Variants in EGF observed in about 807,000 individuals in gnomAD.
EGF encodes epidermal growth factor.
In EGF, 95 loss-of-function variants were observed where a neutral mutation model predicts 143.8. The ratio of observed to expected loss-of-function variants is 0.66; its 90% CI spans 0.56 to 0.78. The LOEUF is 0.78. Ranked by LOEUF, EGF falls within the 30% of genes least tolerant of loss-of-function variation. EGF has a pLI of 0.00. For missense variants in EGF, 1,320 were observed against 1,470.9 expected (o/e 0.90, Z 1.68); for synonymous variants, 510 against 510.5 (o/e 1.00, Z 0.01).
Position 109,948,055 on chromosome 4 carries a change from G to C in EGF, c.940+2780G>C, listed in dbSNP as rs562021199. On this transcript the variant is annotated intron_variant, in intron 5 of 23. Coordinates refer to ENST00000265171, the MANE Select transcript of EGF (RefSeq NM_001963.6). ...CCTCACTACTCAGCTTCTGTGACAG[G>C]AAGTTCAAATAGGATAACTGAAAGC... Among the ~76,000 whole-genome samples the C allele has an allele frequency of 3.3e-5, 5 of 152,328 alleles. No individual in the cohort carries two copies. The East Asian group carries it at 9.6e-4, about 29-fold the overall frequency.
chr4:109,956,511 G>T lies in EGF; in HGVS notation c.941-2801G>T, dbSNP rs547755557. ...TAAACACAATACTGCTTTTTAAAAA[G>T]AAATTTAAAGTGGATGAATTTTGTC... On this transcript the variant is annotated intron_variant, in intron 5 of 23. Coordinates refer to ENST00000265171, the MANE Select transcript of EGF (RefSeq NM_001963.6). Among the ~76,000 whole-genome samples, 3 of 152,188 alleles carry T rather than the reference G, an allele frequency of 2.0e-5. No individual in the cohort carries two copies. In the East Asian group the frequency reaches 5.8e-4, roughly 29 times the overall value.
In EGF at chr4:109,943,694, A is replaced by G. The variant is rs1742325346; in HGVS notation, c.510-148A>G. ...TAACTTGAAATCACTTGTAATGTCT[A>G]CAATAGGGCAGTGTTTACTTGTTGA... is the stretch of plus-strand genomic sequence containing the variant. On this transcript the variant is annotated intron_variant, in intron 3 of 23. Coordinates refer to ENST00000265171, the MANE Select transcript of EGF (RefSeq NM_001963.6). 5.1e-6 allele frequency: 4 copies of G among 780,450 alleles called. No individual in the cohort carries two copies. In the African/African-American group the frequency reaches 5.2e-5, roughly 10 times the overall value. 48.3% of individuals were successfully genotyped at this position (780,450 alleles called of 1,614,324 possible). A position where few individuals can be genotyped will look rare whatever the true frequency, so the allele number is the denominator to read the frequency against.
chr4:109,993,096 TA>T (rs1751260795), intron 18 of EGF, 150 bp from the exon 19 acceptor site: 1 of 690,614 alleles, frequency 1.4e-6, no homozygotes, highest in Non-Finnish European at 1.9e-6. Context: ...TTAAGTATAA[TA>T]AAAAATATAT....
chr4:109,990,305 T>A (rs541441911), intron 18 of EGF, among the ~76,000 whole-genome samples: 1 of 152,182 alleles, frequency 6.6e-6, no homozygotes, highest in Admixed American at 6.5e-5. Flanking sequence ...TGATCAGTGA[T>A]GAAGAAGAGT....
intron 1 of EGF, among the ~76,000 whole-genome samples, chr4:109,915,801 G>A (rs1001420520): frequency 5.3e-5 from 8 of 152,226 alleles, no homozygotes; most frequent in Non-Finnish European, 1.2e-4. Context: ...TGGTCTAACA[G>A]TATTCAGGTA....
intron 7 of EGF, 52 bp from the exon 8 acceptor site, chr4:109,961,811 T>G: frequency 6.2e-7 from 1 of 1,608,900 alleles, no homozygotes; most frequent in East Asian, 2.2e-5. Context: ...TTGCAATAAA[T>G]TTTTGCAAAC....
Position 109,967,890 on chromosome 4 carries a change from A to G in EGF, c.1576-1081A>G, listed in dbSNP as rs544678876. Among the ~76,000 whole-genome samples, 7 of 152,292 alleles carry G rather than the reference A, an allele frequency of 4.6e-5. No individual in the cohort carries two copies. The South Asian group carries it at 1.4e-3, about 32-fold the overall frequency. Reference sequence around the variant, plus strand: ...TATCTAAACATAGAAAAGGTACAGTAAAAAATATGGCATAAGAGATATTTT... The same window carrying G: ...TATCTAAACATAGAAAAGGTACAGTGAAAAATATGGCATAAGAGATATTTT... On this transcript the variant is annotated intron_variant, in intron 10 of 23. Transcript: ENST00000265171.
chr4:109,913,546 A>G lies in EGF; in HGVS notation c.127+84A>G. 8 of 1,565,548 alleles carry G rather than the reference A, an allele frequency of 5.1e-6. No individual in the cohort carries two copies. In the South Asian group the frequency reaches 9.3e-5, roughly 18 times the overall value. On this transcript the variant is annotated intron_variant, in intron 1 of 23. Coordinates refer to ENST00000265171, the MANE Select transcript of EGF (RefSeq NM_001963.6). ...TTGGTTCAATCTGGTATACTTGGGCATTTAACAAAGTTTGTCTTTGGGTAT... is the reference window on the plus strand; with the variant it reads ...TTGGTTCAATCTGGTATACTTGGGCGTTTAACAAAGTTTGTCTTTGGGTAT...
chr4:110,001,044 A>G (rs1752508411), intron 21 of EGF, among the ~76,000 whole-genome samples: 1 of 152,236 alleles, frequency 6.6e-6, no homozygotes, highest in South Asian at 2.1e-4. Flanking sequence ...TACTTATCAG[A>G]GATCCTGCTA....
At chr4:109,929,394 C>T (rs1413438732) in intron 1 of EGF, among the ~76,000 whole-genome samples, 2 of 152,032 alleles carry the variant, frequency 1.3e-5, no homozygotes, top group Non-Finnish European at 2.9e-5. Context: ...CAATATGCTC[C>T]CCCAGAGATA....
intron 1 of EGF, among the ~76,000 whole-genome samples, chr4:109,919,291 C>CTCTG (rs1737284418): frequency 4.8e-5 from 1 of 20,944 alleles, no homozygotes; most frequent in Admixed American, 4.4e-4. Context: ...TTCTCTGTCT[C>CTCTG]TCTCTCTCTC....
intron 1 of EGF, among the ~76,000 whole-genome samples, chr4:109,925,259 T>C (rs536552186): frequency 1.3e-5 from 2 of 152,220 alleles, no homozygotes; most frequent in Non-Finnish European, 2.9e-5. Flanking sequence ...AAACAAATAC[T>C]GCTGAAAACT....
At chr4:110,008,038 C>A in intron 22 of EGF, 114 bp from the exon 23 acceptor site, 1 of 993,222 alleles carries the variant, frequency 1.0e-6, no homozygotes, top group Non-Finnish European at 1.6e-6. Flanking sequence ...TTTCTTCTGA[C>A]TTTCACTTTC....
At chr4:109,965,849 C>T (rs759833263) in intron 10 of EGF, among the ~76,000 whole-genome samples, 30 of 152,110 alleles carry the variant, frequency 2.0e-4, no homozygotes, top group South Asian at 4.2e-4. Flanking sequence ...GAGTGAAGTA[C>T]CCCTATTTGT....
At chr4:109,914,920 G>T (rs922804384) in intron 1 of EGF, among the ~76,000 whole-genome samples, 26 of 152,178 alleles carry the variant, frequency 1.7e-4, no homozygotes, top group African/African-American at 6.0e-4. Context: ...CATGGGATGT[G>T]AGGGGTGATG....
At chr4:109,997,563 G>A (rs961811405) in intron 20 of EGF, among the ~76,000 whole-genome samples, 5 of 151,638 alleles carry the variant, frequency 3.3e-5, no homozygotes, top group South Asian at 2.1e-4. Flanking sequence ...CCGGATTCAC[G>A]CCATTCTCCT....
At chr4:109,973,893 A>G (rs1412978461) in intron 11 of EGF, among the ~76,000 whole-genome samples, 1 of 152,246 alleles carries the variant, frequency 6.6e-6, no homozygotes, top group African/African-American at 2.4e-5. Context: ...TAATGTAAAG[A>G]TTAGCAAGTA....
At chr4:109,961,236 G>T (rs1023489117) in intron 7 of EGF, among the ~76,000 whole-genome samples, 1 of 152,034 alleles carries the variant, frequency 6.6e-6, no homozygotes, top group Non-Finnish European at 1.5e-5. Flanking sequence ...CATGCCAGTG[G>T]TCCCAGCTAC....
chr4:109,947,760 T>C (rs1463461135), intron 5 of EGF, among the ~76,000 whole-genome samples: 1 of 152,230 alleles, frequency 6.6e-6, no homozygotes, highest in African/African-American at 2.4e-5. Flanking sequence ...ATGTCTGCCA[T>C]CATCATAACC....
Sources: gnomAD v4.1 joint callset for allele counts (sites outside exome capture counted in the v4.1 genomes callset) on GRCh38, gnomAD v4.1.1 for gene constraint, MANE v1.5 for transcripts, NCBI Gene and HGNC (gene_info 2026-07-23, HGNC 2026-07-21) for gene names.